Variants in SLC11A2 observed in about 807,000 individuals in gnomAD.
SLC11A2 encodes natural resistance-associated macrophage protein 2.
In SLC11A2, 38 loss-of-function variants were observed where a neutral mutation model predicts 68.0. The ratio of observed to expected loss-of-function variants is 0.56; its 90% CI spans 0.43 to 0.73. SLC11A2 has a LOEUF of 0.73. SLC11A2 is among the 30% of genes least tolerant of loss of function. The pLI, the probability that SLC11A2 is intolerant of heterozygous loss-of-function variation, is 0.00. For synonymous variants in SLC11A2, 242 were observed against 250.6 expected, an observed-to-expected ratio of 0.97 and a Z score of 0.32; for missense variants, 517 against 690.5, an observed-to-expected ratio of 0.75 and a Z score of 2.82.
rs1941090596 is a variant in SLC11A2 at position 50,990,965 on chromosome 12, C to T, written c.1422-17G>A. 1 of 1,612,924 alleles carries T rather than the reference C, an allele frequency of 6.2e-7. No homozygotes were observed. The highest frequency in any genetic ancestry group is 8.5e-7 in the Non-Finnish European group (1 of 1,178,982). On this transcript the variant is annotated splice_polypyrimidine_tract_variant and intron_variant, in intron 14 of 15. Coordinates refer to ENST00000262052, the MANE Select transcript of SLC11A2 (RefSeq NM_000617.3). ...CGCCAGCCTCTGTAAAAGAAATCAG[C>T]ACAGTCACTGATGGAATAATCCAAC...
the SLC11A2 span, chr12:50,961,125 T>G: frequency 1.2e-6 from 2 of 1,611,976 alleles, no homozygotes; most frequent in Non-Finnish European, 1.7e-6. Flanking sequence ...ATTTGTATCT[T>G]ATGTTCAGCT....
chr12:51,016,704 G>A (rs1943681338), intron 1 of SLC11A2, among the ~76,000 whole-genome samples: 5 of 144,080 alleles, frequency 3.5e-5, no homozygotes, highest in African/African-American at 2.6e-5. Context: ...AAAGTTAGCC[G>A]GGTGTGGTGG....
rs763261479 is a variant in SLC11A2, at chr12:50,996,903, G to A, written c.745C>T (p.Arg249Cys). ...ACAGCCTGTTCAATCTGTGGAGTGC[G>A]ACAGCCTGAACAGGATGGTACGAAC... is the stretch of plus-strand genomic sequence containing the variant. ...GMFVPSCSGC[R>C]TPQIEQAVGI... The change falls in exon 9 of 16, where the codon CGC becomes TGC. Residue 249 changes from arginine (R) to cysteine (C), a missense_variant. Transcript: ENST00000262052. 6.8e-6 allele frequency: 11 copies of A among 1,613,816 alleles called. No homozygotes were observed. Among genetic ancestry groups the A allele is most frequent in the African/African-American group, 4.0e-5 (3 of 74,880 alleles).
intron 1 of SLC11A2, among the ~76,000 whole-genome samples, chr12:51,016,847 CAAAAA>C (rs34208777): frequency 3.3e-5 from 2 of 60,762 alleles, no homozygotes; most frequent in Admixed American, 2.0e-4. Flanking sequence ...AACTCTGTCT[CAAAAA>C]AAAAAAAAAA....
intron 1 of SLC11A2, among the ~76,000 whole-genome samples, chr12:51,012,175 G>A (rs1943285072): frequency 6.6e-6 from 1 of 152,158 alleles, no homozygotes; most frequent in African/African-American, 2.4e-5. Flanking sequence ...GCCAGCCTTT[G>A]TCTACAGGTC....
chr12:50,970,252 T>C, the SLC11A2 span, among the ~76,000 whole-genome samples: 1 of 152,232 alleles, frequency 6.6e-6, no homozygotes, highest in Admixed American at 6.5e-5. Flanking sequence ...TTGAAAGGGC[T>C]CCTAGAGTTT....
At chr12:50,971,351 T>C in the SLC11A2 span, among the ~76,000 whole-genome samples, 51 of 152,274 alleles carry the variant, frequency 3.3e-4, no homozygotes, top group Admixed American at 3.3e-3. Context: ...TTATATCTCA[T>C]TCTTATACAG....
chr12:51,011,082 G>A (rs1046974865), intron 1 of SLC11A2, among the ~76,000 whole-genome samples: 1 of 151,794 alleles, frequency 6.6e-6, no homozygotes, highest in Admixed American at 6.6e-5. Flanking sequence ...GGGGGTGGTG[G>A]ACAAATTGAA....
At chr12:50,970,176 A>C in the SLC11A2 span, among the ~76,000 whole-genome samples, 1 of 152,338 alleles carries the variant, frequency 6.6e-6, no homozygotes, top group Middle Eastern at 3.4e-3. Context: ...AAATTTGCCC[A>C]CTTTCCTAAC....
chr12:50,996,295 C>G (rs1031609722), intron 9 of SLC11A2, among the ~76,000 whole-genome samples: 1 of 152,314 alleles, frequency 6.6e-6, no homozygotes, highest in Non-Finnish European at 1.5e-5. Flanking sequence ...TTAGTCCCAG[C>G]TGGGTGCAGT....
the SLC11A2 span, among the ~76,000 whole-genome samples, chr12:50,961,310 T>C: frequency 1.3e-5 from 2 of 152,124 alleles, no homozygotes; most frequent in South Asian, 2.1e-4. Flanking sequence ...ACAAAACCTA[T>C]GGTAGAAAAC....
chr12:51,025,369 C>T (rs1220874374), intron 1 of SLC11A2, among the ~76,000 whole-genome samples: 3 of 152,194 alleles, frequency 2.0e-5, no homozygotes, highest in Non-Finnish European at 4.4e-5. Context: ...TTATCAATCC[C>T]CATTTTAAGT....
At chr12:51,008,698 G>A (rs1942957836) in intron 2 of SLC11A2, 74 bp from the exon 3 acceptor site, 1 of 1,196,836 alleles carries the variant, frequency 8.4e-7, no homozygotes, top group African/African-American at 1.5e-5. Flanking sequence ...TTAGTATACT[G>A]AAATTAAATA....
At chr12:50,992,432 T>C in intron 12 of SLC11A2, 93 bp from the exon 13 acceptor site, 1 of 1,238,432 alleles carries the variant, frequency 8.1e-7, no homozygotes, top group Non-Finnish European at 1.2e-6. Context: ...AGAATGGGAT[T>C]AAGAAGTGAC....
chr12:51,009,144 C>A, intron 2 of SLC11A2: 2 of 1,506,086 alleles, frequency 1.3e-6, no homozygotes, highest in Non-Finnish European at 1.8e-6. Context: ...GACATTATAC[C>A]TCCATCAGAC....
In SLC11A2 at chr12:50,990,729, A is replaced by T. The variant is rs1385144579; in HGVS notation, c.1575+66T>A. 2.6e-6 allele frequency: 4 copies of T among 1,539,404 alleles called. No individual in the cohort carries two copies. In the East Asian group the frequency reaches 9.0e-5, roughly 35 times the overall value. On this transcript the variant is annotated intron_variant, in intron 15 of 15. Transcript: ENST00000262052. ...CCAGCCTGGGTCTGTTCATTTCTGAATGTCAGTGAACCCCACCTCAACCAT... is the reference window on the plus strand; with the variant it reads ...CCAGCCTGGGTCTGTTCATTTCTGATTGTCAGTGAACCCCACCTCAACCAT...
chr12:50,980,877 A>T (rs1939984079), downstream of SLC11A2: 1 of 152,258 alleles, frequency 6.6e-6, no homozygotes, highest in Admixed American at 6.5e-5. Context: ...GCTAAATGTT[A>T]GAAGTTTCCT....
chr12:51,000,100 A>G (rs1404792448), intron 6 of SLC11A2, among the ~76,000 whole-genome samples: 1 of 152,196 alleles, frequency 6.6e-6, no homozygotes, highest in Admixed American at 6.6e-5. Context: ...AACGCCACAC[A>G]TTCTAATAAA....
downstream of SLC11A2, among the ~76,000 whole-genome samples, chr12:50,978,295 T>C (rs1364146164): frequency 6.6e-6 from 1 of 151,686 alleles, no homozygotes; most frequent in African/African-American, 2.4e-5. Flanking sequence ...ATACACACCA[T>C]GGAATACTAT....
Sources: allele counts gnomAD v4.1 joint callset (sites outside exome capture counted in the v4.1 genomes callset), GRCh38; gene constraint gnomAD v4.1.1; transcripts MANE v1.5; gene names NCBI Gene and HGNC (gene_info 2026-07-23, HGNC 2026-07-21).